UNC5C: variants seen among roughly 807,000 people sequenced by gnomAD.
UNC5C encodes netrin receptor UNC5C.
A neutral mutation model predicts 99.8 loss-of-function variants in UNC5C; 47 were observed. That is an observed-to-expected ratio of 0.47 (90% CI 0.37 to 0.60). The LOEUF is 0.60. Ranked by LOEUF, UNC5C falls within the 20% of genes least tolerant of loss-of-function variation. The probability of loss-of-function intolerance (pLI) is 0.00; values close to 1 mark genes in which losing one functional copy is unlikely to be tolerated. For missense variants in UNC5C, 1,062 were observed against 1,165.9 expected, an observed-to-expected ratio of 0.91 and a Z score of 1.30; for synonymous variants, 487 against 452.2, an observed-to-expected ratio of 1.08 and a Z score of -0.98.
At chr4:95,450,290 G>A (rs1034029252) in intron 1 of UNC5C, among the ~76,000 whole-genome samples, 3 of 152,180 alleles carry the variant, frequency 2.0e-5, no homozygotes, top group Admixed American at 6.5e-5. Context: ...TAGGTTCATA[G>A]CTCACTGAGG....
intron 1 of UNC5C, among the ~76,000 whole-genome samples, chr4:95,531,932 T>C (rs1722655120): frequency 6.6e-6 from 1 of 152,212 alleles, no homozygotes; most frequent in Non-Finnish European, 1.5e-5. Context: ...ATTTTGTCAA[T>C]ATTCCATAAG....
chr4:95,503,792 T>A (rs1721840201), intron 1 of UNC5C, among the ~76,000 whole-genome samples: 1 of 152,108 alleles, frequency 6.6e-6, no homozygotes, highest in African/African-American at 2.4e-5. Flanking sequence ...CCCTCATCAC[T>A]CCTCCAAATT....
chr4:95,179,606 G>A lies in UNC5C; in HGVS notation c.2451+3291C>T, dbSNP rs147008035. On this transcript the variant is annotated intron_variant, in intron 14 of 15. Coordinates refer to ENST00000453304, the MANE Select transcript of UNC5C (RefSeq NM_003728.4). ...TACTAACAATACAAAAATCAGCTGG[G>A]TGTGGTGGCATATGCCTGTGATCCC... Among the ~76,000 whole-genome samples the A allele has an allele frequency of 6.2e-3, 947 of 152,144 alleles. 6 individuals are homozygous for A. The highest frequency in any genetic ancestry group is 8.8e-3 in the Non-Finnish European group (597 of 67,990).
At chr4:95,188,232 C>T (rs1736913742) in intron 12 of UNC5C, among the ~76,000 whole-genome samples, 1 of 152,100 alleles carries the variant, frequency 6.6e-6, no homozygotes, top group Non-Finnish European at 1.5e-5. Flanking sequence ...TTCAGCCCAG[C>T]AGTGAAGGAT....
At chr4:95,541,913 A>G (rs906384969) in intron 1 of UNC5C, among the ~76,000 whole-genome samples, 2 of 152,172 alleles carry the variant, frequency 1.3e-5, no homozygotes, top group African/African-American at 4.8e-5. Context: ...GAGAAATACT[A>G]GCATGCATCA....
At chr4:95,438,235 C>G (rs1407144286) in intron 1 of UNC5C, among the ~76,000 whole-genome samples, 1 of 152,024 alleles carries the variant, frequency 6.6e-6, no homozygotes, top group Non-Finnish European at 1.5e-5. Flanking sequence ...GACCTGAACT[C>G]AGAGGTTCCA....
At chr4:95,425,484 G>A (rs562274330) in intron 1 of UNC5C, among the ~76,000 whole-genome samples, 1 of 152,282 alleles carries the variant, frequency 6.6e-6, no homozygotes, top group East Asian at 1.9e-4. Flanking sequence ...ACCACGCCCA[G>A]CTAATTTTTT....
chr4:95,504,290 G>A (rs1392685684), intron 1 of UNC5C, among the ~76,000 whole-genome samples: 1 of 151,974 alleles, frequency 6.6e-6, no homozygotes, highest in Non-Finnish European at 1.5e-5. Context: ...ACTCCCCTCT[G>A]AACAAGCTTA....
chr4:95,352,667 C>A (rs958831421), intron 1 of UNC5C, among the ~76,000 whole-genome samples: 1 of 152,138 alleles, frequency 6.6e-6, no homozygotes, highest in African/African-American at 2.4e-5. Context: ...ACTACAAGAT[C>A]GTTCAAAAGC....
intron 1 of UNC5C, among the ~76,000 whole-genome samples, chr4:95,545,761 C>A (rs1292065123): frequency 7.3e-6 from 1 of 136,882 alleles, no homozygotes; most frequent in South Asian, 2.2e-4. Context: ...CTCACACACA[C>A]GCGCGCGCGC....
At chr4:95,358,669 C>T (rs1012773405) in intron 1 of UNC5C, among the ~76,000 whole-genome samples, 14 of 152,186 alleles carry the variant, frequency 9.2e-5, no homozygotes, top group African/African-American at 3.1e-4. Flanking sequence ...TTTTCTCCCT[C>T]CCTTTGACCC....
At chr4:95,445,176 C>T (rs1244280095) in intron 1 of UNC5C, among the ~76,000 whole-genome samples, 1 of 152,094 alleles carries the variant, frequency 6.6e-6, no homozygotes, top group Non-Finnish European at 1.5e-5. Context: ...AAATATATAT[C>T]AATTTTCAGG....
chr4:95,515,512 C>T (rs911443392), intron 1 of UNC5C, among the ~76,000 whole-genome samples: 4 of 152,144 alleles, frequency 2.6e-5, no homozygotes, highest in African/African-American at 7.2e-5. Flanking sequence ...ATTAGGTTTT[C>T]CTTAGTGAGC....
chr4:95,184,532 A>T (rs1287914359), intron 13 of UNC5C, among the ~76,000 whole-genome samples: 1 of 152,184 alleles, frequency 6.6e-6, no homozygotes, highest in Non-Finnish European at 1.5e-5. Flanking sequence ...TCCCCCAGGT[A>T]TATACAAATG....
intron 2 of UNC5C, among the ~76,000 whole-genome samples, chr4:95,306,639 C>T (rs1742072814): frequency 6.6e-6 from 1 of 152,204 alleles, no homozygotes; most frequent in Non-Finnish European, 1.5e-5. Context: ...AGTATCCTAA[C>T]TCAACTTTAG....
intron 1 of UNC5C, among the ~76,000 whole-genome samples, chr4:95,379,335 T>G (rs1159195076): frequency 6.6e-6 from 1 of 152,228 alleles, no homozygotes; most frequent in Non-Finnish European, 1.5e-5. Flanking sequence ...TTTGCTAAAA[T>G]AGGTTTATGC....
chr4:95,416,481 A>G (rs1344852183), intron 1 of UNC5C, among the ~76,000 whole-genome samples: 1 of 152,146 alleles, frequency 6.6e-6, no homozygotes, highest in East Asian at 1.9e-4. Context: ...GGGTGCGGGT[A>G]TGATGGCACT....
Position 95,515,057 on chromosome 4 carries a change from C to T in UNC5C, c.124+33677G>A, listed in dbSNP as rs138451445. Among the ~76,000 whole-genome samples the T allele has an allele frequency of 7.5e-3, 1,144 of 152,132 alleles. 18 individuals are homozygous for T. The highest frequency in any genetic ancestry group is 0.026 in the African/African-American group (1,078 of 41,486). On this transcript the variant is annotated intron_variant, in intron 1 of 15. Transcript: ENST00000453304. ...AAAGATCTTAAATATATCTAATTTG[C>T]AAAGGACTATATTATTTATAACACT...
At chr4:95,192,671 C>T (rs1349477678) in intron 12 of UNC5C, among the ~76,000 whole-genome samples, 1 of 149,326 alleles carries the variant, frequency 6.7e-6, no homozygotes, top group Non-Finnish European at 1.5e-5. Context: ...TTCCCCTGCT[C>T]ACCTCCTCTG....
Sources: allele counts gnomAD v4.1 joint callset (sites outside exome capture counted in the v4.1 genomes callset), GRCh38; gene constraint gnomAD v4.1.1; transcripts MANE v1.5; gene names NCBI Gene and HGNC (gene_info 2026-07-23, HGNC 2026-07-21).